PCDHA1: variants seen among roughly 807,000 people sequenced by gnomAD.
The protein encoded by PCDHA1 is protocadherin alpha 1.
Under a neutral mutation model 61.3 loss-of-function variants are expected in PCDHA1, and 42 were observed. The observed-to-expected ratio is 0.69, with a 90% CI of 0.54 to 0.89. The LOEUF (loss-of-function observed/expected upper bound fraction) is 0.89. PCDHA1 is among the 40% of genes least tolerant of loss of function. The pLI, the probability that PCDHA1 is intolerant of heterozygous loss-of-function variation, is 0.00. For synonymous variants in PCDHA1, 610 were observed against 553.8 expected (o/e 1.10, Z -1.43); for missense variants, 1,256 against 1,235.3 (o/e 1.02, Z -0.25).
chr5:140,794,217 A>G (rs1288589100), intron 1 of PCDHA1, among the ~76,000 whole-genome samples: 1 of 152,254 alleles, frequency 6.6e-6, no homozygotes, highest in Non-Finnish European at 1.5e-5. Context: ...ACATGTTACA[A>G]TATGGATGAA....
At chr5:140,838,830 G>A (rs562018210) in intron 1 of PCDHA1, among the ~76,000 whole-genome samples, 1 of 151,882 alleles carries the variant, frequency 6.6e-6, no homozygotes, top group African/African-American at 2.4e-5. Context: ...ACTGAGGTGG[G>A]AGGATCACTT....
chr5:140,850,941 T>A lies in PCDHA1; in HGVS notation c.2394+62257T>A. The A allele has an allele frequency of 2.0e-6, 3 of 1,505,592 alleles. 1 individual carries two copies. 93.3% of individuals were successfully genotyped at this position (1,505,592 alleles called of 1,614,324 possible). On this transcript the variant is annotated intron_variant, in intron 1 of 3. Coordinates refer to ENST00000504120, the MANE Select transcript of PCDHA1 (RefSeq NM_018900.4). ...TTATATAATTTTTTTTCTTGAAAGATATTATCGATTACTCCCAGGGGCCGT... is the reference window on the plus strand; with the variant it reads ...TTATATAATTTTTTTTCTTGAAAGAAATTATCGATTACTCCCAGGGGCCGT...
At position 140,822,688 on chromosome 5, in the gene PCDHA1, G is replaced by A. The variant is rs2150118559; in HGVS notation, c.2394+34004G>A. 2.5e-6 allele frequency: 4 copies of A among 1,609,140 alleles called. No homozygotes were observed. The highest frequency in any genetic ancestry group is 1.7e-5 in the Admixed American group (1 of 59,880). On this transcript the variant is annotated intron_variant, in intron 1 of 3. Transcript: ENST00000504120. ...TAATACTGGTGAAATAAAAGTTAAC[G>A]GGGAACTGGATTATGAAGACTATAA...
intron 1 of PCDHA1, among the ~76,000 whole-genome samples, chr5:140,951,417 C>G (rs1259525145): frequency 6.6e-6 from 1 of 152,044 alleles, no homozygotes; most frequent in Non-Finnish European, 1.5e-5. Context: ...AATTGGCTCA[C>G]AGTTCCACAG....
chr5:140,948,276 G>A (rs375889469), intron 1 of PCDHA1, among the ~76,000 whole-genome samples: 1 of 151,520 alleles, frequency 6.6e-6, no homozygotes, highest in East Asian at 1.9e-4. Context: ...TAGAATATCT[G>A]TAAATAATTT....
At position 140,858,183 on chromosome 5, in the gene PCDHA1, C is replaced by T. The variant is rs1417282608; in HGVS notation, c.2394+69499C>T. The T allele has an allele frequency of 1.1e-5, 17 of 1,597,392 alleles. 4 individuals carry two copies. The highest frequency in any genetic ancestry group is 5.5e-5 in the South Asian group (5 of 90,536). On this transcript the variant is annotated intron_variant, in intron 1 of 3. Transcript: ENST00000504120. ...GCGGTGTCCAGCTTGCTGGTGCTCA[C>T]GCTGCTGCTGTACACTGCACTGAGG...
At chr5:140,824,994 A>G (rs979959143) in intron 1 of PCDHA1, 3 of 152,118 alleles carry the variant, frequency 2.0e-5, no homozygotes, top group Admixed American at 2.0e-4. Context: ...AAACACATAT[A>G]CATGGTTTAC....
intron 1 of PCDHA1, chr5:140,863,222 A>C: frequency 9.0e-7 from 1 of 1,110,392 alleles, no homozygotes; most frequent in Non-Finnish European, 1.3e-6. Flanking sequence ...CAAGCGAGGA[A>C]GGTCCCATCG....
At chr5:140,836,797 C>A in intron 1 of PCDHA1, 1 of 1,343,980 alleles carries the variant, frequency 7.4e-7, no homozygotes, top group Admixed American at 2.4e-5. Flanking sequence ...AATTGGTCTC[C>A]TTAAATTTTC....
chr5:140,794,788 A>C (rs1230538833), intron 1 of PCDHA1: 6 of 682,758 alleles, frequency 8.8e-6, no homozygotes, highest in Non-Finnish European at 1.2e-5. Flanking sequence ...CCTTTTAGCC[A>C]CATGATGTCG....
In PCDHA1 at chr5:141,009,805, A is replaced by G. The variant is rs1358613672; in HGVS notation, c.2721A>G (p.Gln907=). The change falls in exon 4 of 4, where the codon CAA becomes CAG. Residue 907 remains glutamine, a synonymous_variant. Transcript: ENST00000504120. ...ISIRQEPTNS[Q]IDKSDFITFG... ...TCCGGCAGGAGCCTACTAACAGCCAAATTGACAAAAGTGACTTCATAACCT... is the reference window on the plus strand; with the variant it reads ...TCCGGCAGGAGCCTACTAACAGCCAGATTGACAAAAGTGACTTCATAACCT... The G allele has an allele frequency of 3.1e-6, 5 of 1,613,974 alleles. No homozygotes were observed. Among genetic ancestry groups the G allele is most frequent in the African/African-American group, 1.3e-5 (1 of 74,898 alleles).
chr5:140,857,241 C>T, intron 1 of PCDHA1: 1 of 1,598,588 alleles, frequency 6.3e-7, no homozygotes, highest in East Asian at 2.2e-5. Context: ...AAGCTGGTGT[C>T]CACCTACAAG....
chr5:140,924,102 T>C (rs1227932285), intron 1 of PCDHA1, among the ~76,000 whole-genome samples: 1 of 152,242 alleles, frequency 6.6e-6, no homozygotes. Context: ...TAAATTTTCA[T>C]TCCAAAGCAG....
chr5:140,887,525 TC>T (rs552124664), intron 1 of PCDHA1, among the ~76,000 whole-genome samples: 1 of 152,154 alleles, frequency 6.6e-6, no homozygotes, highest in South Asian at 2.1e-4. Context: ...TATATATGAG[TC>T]TTCCTCTCCC....
rs151198566 is a variant in PCDHA1 at position 140,817,886 on chromosome 5, C to A, written c.2394+29202C>A. Reference sequence around the variant, plus strand: ...GGGTATTGAATGAAAGTTATTTTTGCCAGCACTTTTAAGATGACATTCCAT... The same window carrying A: ...GGGTATTGAATGAAAGTTATTTTTGACAGCACTTTTAAGATGACATTCCAT... On this transcript the variant is annotated intron_variant, in intron 1 of 3. Coordinates refer to ENST00000504120, the MANE Select transcript of PCDHA1 (RefSeq NM_018900.4). Among the ~76,000 whole-genome samples, 142 of 152,234 alleles carry A rather than the reference C, an allele frequency of 9.3e-4. 1 individual carries two copies. The highest frequency in any genetic ancestry group is 3.3e-3 in the African/African-American group (137 of 41,540).
Position 140,850,752 on chromosome 5 carries a change from C to G in PCDHA1, c.2394+62068C>G. On this transcript the variant is annotated intron_variant, in intron 1 of 3. Transcript: ENST00000504120. ...GGTGGGGAGTTGGTCGTACTCGCAG[C>G]AGAGGAGGCAGAGGGTGTGCTCTGG... is the stretch of plus-strand genomic sequence containing the variant. The G allele has an allele frequency of 1.3e-6, 2 of 1,597,900 alleles. 1 individual carries two copies. Among genetic ancestry groups the G allele is most frequent in the Non-Finnish European group, 1.7e-6 (2 of 1,167,560 alleles).
intron 1 of PCDHA1, among the ~76,000 whole-genome samples, chr5:140,806,427 AATGCTTTTCC>A (rs1554123599): frequency 6.6e-6 from 1 of 152,216 alleles, no homozygotes; most frequent in Admixed American, 6.5e-5. Context: ...AATTATTTGG[AATGCTTTTCC>A]ATGCAAGCTA....
intron 3 of PCDHA1, among the ~76,000 whole-genome samples, chr5:140,984,755 A>G (rs1554246508): frequency 6.6e-6 from 1 of 152,172 alleles, no homozygotes; most frequent in Admixed American, 6.5e-5. Flanking sequence ...TTTGAGTTGA[A>G]TTCTAATCCC....
At chr5:140,835,739 C>T (rs185499663) in intron 1 of PCDHA1, 6 of 1,613,584 alleles carry the variant, frequency 3.7e-6, no homozygotes, top group East Asian at 4.5e-5. Context: ...ACGACAACGC[C>T]CCGGCGTTCG....
Sources: allele counts gnomAD v4.1 joint callset (sites outside exome capture counted in the v4.1 genomes callset), GRCh38; gene constraint gnomAD v4.1.1; transcripts MANE v1.5; gene names NCBI Gene and HGNC (gene_info 2026-07-23, HGNC 2026-07-21).